PPP4R3A: variants seen among roughly 807,000 people sequenced by gnomAD.
The protein encoded by PPP4R3A is serine/threonine-protein phosphatase 4 regulatory subunit 3A.
A neutral mutation model predicts 91.7 loss-of-function variants in PPP4R3A; 15 were observed. The observed-to-expected ratio is 0.16, with a 90% CI of 0.11 to 0.25. The LOEUF is 0.25. PPP4R3A is among the 10% of genes least tolerant of loss of function. The pLI is 1.00. For missense variants in PPP4R3A, 623 were observed against 998.4 expected, an observed-to-expected ratio of 0.62 and a Z score of 5.07; for synonymous variants, 377 against 348.7, an observed-to-expected ratio of 1.08 and a Z score of -0.91.
chr14:91,510,067 C>T lies in PPP4R3A; in HGVS notation c.-420G>A, dbSNP rs1244652666. The T allele has an allele frequency of 1.9e-6, 1 of 516,426 alleles. No individual in the cohort carries two copies. The highest frequency in any genetic ancestry group is 2.5e-6 in the Non-Finnish European group (1 of 399,474). 32.0% of individuals were successfully genotyped at this position (516,426 alleles called of 1,614,324 possible). A position where few individuals can be genotyped will look rare whatever the true frequency, so the allele number is the denominator to read the frequency against. ...CCGCCGCCGCCGCCATATTTTCCTTCCTTATACCTGGCCCTGCCACCGCGG... is the reference window on the plus strand; with the variant it reads ...CCGCCGCCGCCGCCATATTTTCCTTTCTTATACCTGGCCCTGCCACCGCGG... On this transcript the variant is annotated 5_prime_UTR_variant, in exon 1 of 15. Coordinates refer to ENST00000554943, the MANE Select transcript of PPP4R3A (RefSeq NM_001366432.2).
At chr14:91,480,873 A>G (rs1032922644) in intron 4 of PPP4R3A, among the ~76,000 whole-genome samples, 1 of 152,108 alleles carries the variant, frequency 6.6e-6, no homozygotes, top group African/African-American at 2.4e-5. Flanking sequence ...CATTCTTTAC[A>G]AAAAAATTTT....
intron 1 of PPP4R3A, among the ~76,000 whole-genome samples, chr14:91,505,074 C>T (rs1566658211): frequency 6.6e-6 from 1 of 152,106 alleles, no homozygotes; most frequent in Non-Finnish European, 1.5e-5. Context: ...AAATGAATTG[C>T]CTGAATTTGA....
At chr14:91,468,690 G>GAAAAAAAA (rs1888641233) in intron 10 of PPP4R3A, among the ~76,000 whole-genome samples, 1 of 52,894 alleles carries the variant, frequency 1.9e-5, no homozygotes, top group East Asian at 8.1e-4. Flanking sequence ...AAAAAAAAAA[G>GAAAAAAAA]GAAAAAAGAA....
Position 91,510,004 on chromosome 14 carries a change from G to A in PPP4R3A, c.-357C>T. The A allele has an allele frequency of 1.0e-6, 1 of 972,642 alleles. No individual in the cohort carries two copies. The allele number at this position is 972,642 out of a possible 1,614,324, so 60.3% of individuals were successfully genotyped here. A position where few individuals can be genotyped will look rare whatever the true frequency, so the allele number is the denominator to read the frequency against. On this transcript the variant is annotated 5_prime_UTR_variant, in exon 1 of 15. Transcript: ENST00000554943. ...CTCCCGCCTCCGCCATGATCTCCGC[G>A]AAGCAGCTTCCCGCGCCGCCGCCGC...
At position 91,458,528 on chromosome 14, in the gene PPP4R3A, T is replaced by C; in HGVS notation, c.*231A>G. On this transcript the variant is annotated 3_prime_UTR_variant, in exon 15 of 15. Transcript: ENST00000554943. ...ATTTCCTTCCCTGAGAAAAGGGCAA[T>C]GTGTGGTCCAAGCTGGAGAGCTCAA... 1.7e-6 allele frequency: 1 copy of C among 599,008 alleles called. No homozygotes were observed. Among genetic ancestry groups the C allele is most frequent in the Non-Finnish European group, 3.0e-6 (1 of 336,388 alleles). 37.1% of individuals were successfully genotyped at this position (599,008 alleles called of 1,614,324 possible).
Position 91,509,776 on chromosome 14 carries a change from G to C in PPP4R3A, c.-129C>G. 2 of 1,266,072 alleles carry C rather than the reference G, an allele frequency of 1.6e-6. No individual in the cohort carries two copies. Among genetic ancestry groups the C allele is most frequent in the South Asian group, 2.7e-5 (1 of 37,504 alleles). The allele number at this position is 1,266,072 out of a possible 1,614,324, so 78.4% of individuals were successfully genotyped here. A position where few individuals can be genotyped will look rare whatever the true frequency, so the allele number is the denominator to read the frequency against. ...CTCCCCGGCCTCACTGCCGCCGCTGGGCGCCGCGGGGCCGCGCCGCCGCCT... is the reference window on the plus strand; with the variant it reads ...CTCCCCGGCCTCACTGCCGCCGCTGCGCGCCGCGGGGCCGCGCCGCCGCCT... On this transcript the variant is annotated 5_prime_UTR_variant, in exon 1 of 15. Transcript: ENST00000554943.
intron 4 of PPP4R3A, among the ~76,000 whole-genome samples, chr14:91,479,293 C>T (rs1368202511): frequency 1.4e-5 from 2 of 144,088 alleles, no homozygotes; most frequent in African/African-American, 5.1e-5. Flanking sequence ...TAAAAAACAA[C>T]GTGTGTGTGT....
rs1209388376 is a variant in PPP4R3A, at chr14:91,476,534, G to A, written c.994-10C>T. The A allele has an allele frequency of 2.6e-6, 4 of 1,513,256 alleles. No homozygotes were observed. Among genetic ancestry groups the A allele is most frequent in the Non-Finnish European group, 1.8e-6 (2 of 1,108,134 alleles). The allele number at this position is 1,513,256 out of a possible 1,614,324, so 93.7% of individuals were successfully genotyped here. A position where few individuals can be genotyped will look rare whatever the true frequency, so the allele number is the denominator to read the frequency against. ...CTTTTAAAAAGTTAACCTGAAATTA[G>A]AAAAAAGGATAAGTGATATAAAAAG... On this transcript the variant is annotated splice_polypyrimidine_tract_variant and intron_variant, in intron 5 of 14. Transcript: ENST00000554943.
intron 14 of PPP4R3A, among the ~76,000 whole-genome samples, chr14:91,460,362 C>A (rs1888053918): frequency 6.6e-6 from 1 of 151,824 alleles, no homozygotes; most frequent in South Asian, 2.1e-4. Flanking sequence ...CTGCTCTGCT[C>A]TCAAGCCTGC....
chr14:91,477,604 C>T (rs1341531042), intron 4 of PPP4R3A, among the ~76,000 whole-genome samples: 1 of 152,048 alleles, frequency 6.6e-6, no homozygotes, highest in African/African-American at 2.4e-5. Flanking sequence ...CATGATTGTC[C>T]GGTCAATGTT....
At chr14:91,460,491 A>G (rs892728479) in intron 14 of PPP4R3A, among the ~76,000 whole-genome samples, 19 of 152,262 alleles carry the variant, frequency 1.2e-4, no homozygotes, top group African/African-American at 4.3e-4. Context: ...TGATTCCCAA[A>G]TGCCAGTCTT....
intron 1 of PPP4R3A, among the ~76,000 whole-genome samples, chr14:91,508,569 T>C (rs564078928): frequency 6.6e-6 from 1 of 152,346 alleles, no homozygotes; most frequent in South Asian, 2.1e-4. Context: ...CTTGAGTATT[T>C]TAAGTGAAAT....
Position 91,470,914 on chromosome 14 carries a change from T to C in PPP4R3A, c.1583A>G (p.Lys528Arg), listed in dbSNP as rs757944827. 6.2e-7 allele frequency: 1 copy of C among 1,612,280 alleles called. No individual in the cohort carries two copies. Among genetic ancestry groups the C allele is most frequent in the Non-Finnish European group, 8.5e-7 (1 of 1,179,726 alleles). The change falls in exon 10 of 15, where the codon AAG becomes AGG. Residue 528 changes from lysine (K) to arginine (R), a missense_variant. Physicochemically the swap from Lys to Arg is conservative, Grantham distance 26. Transcript: ENST00000554943. ...GATATCCTTATTAATAATGTAGTTC[T>C]TTATGTGGTAGGTATGGTGCTCCAC... ...FCVEHHTYHI[K>R]NYIINKDILR...
In PPP4R3A at chr14:91,475,850, A is replaced by G; in HGVS notation, c.1227T>C (p.Asp409=). 1 of 1,613,778 alleles carries G rather than the reference A, an allele frequency of 6.2e-7. No individual in the cohort carries two copies. The highest frequency in any genetic ancestry group is 8.5e-7 in the Non-Finnish European group (1 of 1,179,900). Reference sequence around the variant, plus strand: ...TTTGCTCTGTTAACTTCTTACTTACATCATCATTCTGTTGTGCCTCCTGCA... The same window carrying G: ...TTTGCTCTGTTAACTTCTTACTTACGTCATCATTCTGTTGTGCCTCCTGCA... ...FVMQEAQQND[D]VSKKLTEQKI... is the part of the protein sequence containing the mutation. The change falls in exon 7 of 15, where the codon GAT becomes GAC. Residue 409 remains aspartate, a synonymous_variant. Transcript: ENST00000554943.
Position 91,509,975 on chromosome 14 carries a change from C to T in PPP4R3A, c.-328G>A. ...AGGAACTCGGGGCTCCCGTCACTGC[C>T]CTGCTCCCGCCTCCGCCATGATCTC... is the stretch of plus-strand genomic sequence containing the variant. On this transcript the variant is annotated 5_prime_UTR_variant, in exon 1 of 15. Transcript: ENST00000554943. The T allele has an allele frequency of 1.0e-6, 1 of 1,004,548 alleles. No individual in the cohort carries two copies. Among genetic ancestry groups the T allele is most frequent in the African/African-American group, 1.7e-5 (1 of 57,904 alleles). 62.2% of individuals were successfully genotyped at this position (1,004,548 alleles called of 1,614,324 possible).
At chr14:91,475,763 A>G (rs765789481) in intron 7 of PPP4R3A, 48 bp downstream of exon 7, 1 of 1,518,128 alleles carries the variant, frequency 6.6e-7, no homozygotes, top group South Asian at 1.2e-5. Context: ...AAAAACAGTT[A>G]TAGCTTCCTA....
chr14:91,478,390 G>A (rs1218991670), intron 4 of PPP4R3A, among the ~76,000 whole-genome samples: 4 of 152,232 alleles, frequency 2.6e-5, no homozygotes, highest in African/African-American at 9.6e-5. Flanking sequence ...TATTTATTTT[G>A]TGTGCATGGG....
chr14:91,493,450 G>A (rs1342286509), intron 1 of PPP4R3A, among the ~76,000 whole-genome samples: 3 of 150,444 alleles, frequency 2.0e-5, no homozygotes, highest in East Asian at 1.9e-4. Context: ...CCATGATTGC[G>A]CCACTACACT....
intron 2 of PPP4R3A, among the ~76,000 whole-genome samples, chr14:91,487,483 G>A (rs1350620333): frequency 6.6e-6 from 1 of 151,916 alleles, no homozygotes; most frequent in Non-Finnish European, 1.5e-5. Flanking sequence ...GGTACAAAGA[G>A]AATTTAGAAG....
Sources: gnomAD v4.1 joint callset for allele counts (sites outside exome capture counted in the v4.1 genomes callset) on GRCh38, gnomAD v4.1.1 for gene constraint, MANE v1.5 for transcripts, NCBI Gene and HGNC (gene_info 2026-07-23, HGNC 2026-07-21) for gene names.